SRRM3: variants seen among roughly 807,000 people sequenced by gnomAD.
The protein encoded by SRRM3 is serine/arginine repetitive matrix 3, also known as serine/arginine repetitive matrix protein 3.
In SRRM3, 27 loss-of-function variants were observed where a neutral mutation model predicts 66.2. That is an observed-to-expected ratio of 0.41 (90% CI 0.30 to 0.56). The LOEUF (loss-of-function observed/expected upper bound fraction) is 0.56. SRRM3 is among the 20% of genes least tolerant of loss of function. SRRM3 has a pLI of 0.32. For missense variants in SRRM3, 918 were observed against 991.9 expected, an observed-to-expected ratio of 0.93 and a Z score of 1.00; for synonymous variants, 391 against 414.9, an observed-to-expected ratio of 0.94 and a Z score of 0.70.
chr7:76,267,166 C>G (rs1440076528), intron 10 of SRRM3, 92 bp from the exon 11 acceptor site: 3 of 1,219,690 alleles, frequency 2.5e-6, no homozygotes, highest in Middle Eastern at 2.3e-4. Flanking sequence ...TCTCTTTCCC[C>G]GTGCTGGGGA....
chr7:76,277,716 C>CAAAAAAAAAAAAAAAAAAAAA (rs386353056), intron 11 of SRRM3, among the ~76,000 whole-genome samples: 4 of 102,772 alleles, frequency 3.9e-5, no homozygotes, highest in East Asian at 2.7e-4. Context: ...TAAACAACAA[C>CAAAAAAAAAAAAAAAAAAAAA]AAAAAAAAAA....
intron 2 of SRRM3, among the ~76,000 whole-genome samples, chr7:76,243,799 TTGGAGGGCCTGTGC>T (rs1554605870): frequency 6.6e-6 from 1 of 152,206 alleles, no homozygotes; most frequent in East Asian, 1.9e-4. Context: ...CTAAGCAGTG[TTGGAGGGCCTGTGC>T]TGTGTTTGTC....
intron 11 of SRRM3, among the ~76,000 whole-genome samples, chr7:76,280,943 C>T (rs1296674153): frequency 7.0e-6 from 1 of 143,268 alleles, no homozygotes; most frequent in Non-Finnish European, 1.5e-5. Context: ...TCTTCCCCCA[C>T]CCCCGTCTCT....
intron 11 of SRRM3, among the ~76,000 whole-genome samples, chr7:76,278,390 A>G (rs1563641151): frequency 6.6e-6 from 1 of 152,032 alleles, no homozygotes; most frequent in Non-Finnish European, 1.5e-5. Context: ...GGGAGGCTGA[A>G]GCAGGAGAAT....
chr7:76,235,028 G>A lies in SRRM3; in HGVS notation c.-39G>A. The A allele has an allele frequency of 6.6e-7, 1 of 1,509,026 alleles. No individual in the cohort carries two copies. Among genetic ancestry groups the A allele is most frequent in the South Asian group, 1.3e-5 (1 of 79,740 alleles). The allele number at this position is 1,509,026 out of a possible 1,614,324, so 93.5% of individuals were successfully genotyped here. ...CCTCGTGTCTGTGTCTGTCCCTCAG[G>A]GCCAGCGGCCCAGGCCAGCGGCTCC... On this transcript the variant is annotated splice_region_variant and 5_prime_UTR_variant, in exon 2 of 15. Coordinates refer to ENST00000611745, the MANE Select transcript of SRRM3 (RefSeq NM_001110199.3).
At chr7:76,258,988 G>A (rs965435456) in intron 3 of SRRM3, among the ~76,000 whole-genome samples, 1 of 151,880 alleles carries the variant, frequency 6.6e-6, no homozygotes, top group African/African-American at 2.4e-5. Flanking sequence ...AGGTTGCAGT[G>A]AGGTGAGATT....
chr7:76,205,256 C>T (rs1800266876), intron 1 of SRRM3, among the ~76,000 whole-genome samples: 1 of 152,148 alleles, frequency 6.6e-6, no homozygotes, highest in Non-Finnish European at 1.5e-5. Flanking sequence ...GTCACCCAGG[C>T]TGGAGTGCAG....
intron 1 of SRRM3, among the ~76,000 whole-genome samples, chr7:76,216,598 T>A (rs1554602611): frequency 6.6e-6 from 1 of 152,156 alleles, no homozygotes; most frequent in African/African-American, 2.4e-5. Context: ...TGGAGGTGCA[T>A]ACAAATGTGA....
At chr7:76,215,429 T>C (rs1467684414) in intron 1 of SRRM3, among the ~76,000 whole-genome samples, 1 of 120,762 alleles carries the variant, frequency 8.3e-6, no homozygotes, top group Non-Finnish European at 1.6e-5. Flanking sequence ...TTAGACAGGG[T>C]CTGGCTCTGT....
rs541615844 is a variant in SRRM3, at chr7:76,235,093, G to A, written c.27G>A (p.Ala9=). ...TGTCCTCCACCGTGAACAACGGGGCGGCCAGCATGCAGTCCACACCCGACG... is the reference window on the plus strand; with the variant it reads ...TGTCCTCCACCGTGAACAACGGGGCAGCCAGCATGCAGTCCACACCCGACG... MSSTVNNG[A]ASMQSTPDAA... is the part of the protein sequence containing the mutation. Residue 9 remains alanine (A), a synonymous_variant, in exon 2 of 15, where the codon GCG becomes GCA. Coordinates refer to ENST00000611745, the MANE Select transcript of SRRM3 (RefSeq NM_001110199.3). 30 of 1,585,034 alleles carry A rather than the reference G, an allele frequency of 1.9e-5. No homozygotes were observed. In the African/African-American group the frequency reaches 3.2e-4, roughly 17 times the overall value.
At chr7:76,206,110 T>C (rs1554601117) in intron 1 of SRRM3, among the ~76,000 whole-genome samples, 1 of 152,108 alleles carries the variant, frequency 6.6e-6, no homozygotes, top group African/African-American at 2.4e-5. Context: ...TGGAATCTAG[T>C]GATCCTCCCG....
At chr7:76,234,640 C>CTAAAGG (rs1408177242) in intron 1 of SRRM3, among the ~76,000 whole-genome samples, 1 of 152,088 alleles carries the variant, frequency 6.6e-6, no homozygotes, top group East Asian at 1.9e-4. Flanking sequence ...TCAACTGAGC[C>CTAAAGG]TAAAGGAGAA....
chr7:76,278,462 G>A (rs966194328), intron 11 of SRRM3, among the ~76,000 whole-genome samples: 8 of 152,106 alleles, frequency 5.3e-5, no homozygotes, highest in African/African-American at 1.9e-4. Context: ...ACTCCAGCCT[G>A]GGCAGCAGAG....
intron 1 of SRRM3, among the ~76,000 whole-genome samples, chr7:76,208,897 G>C (rs1453815778): frequency 1.3e-5 from 2 of 150,888 alleles, no homozygotes; most frequent in Non-Finnish European, 3.0e-5. Flanking sequence ...GAGGAAGGGA[G>C]GGAGGGAGGG....
chr7:76,279,760 C>T (rs1802447495), intron 11 of SRRM3, among the ~76,000 whole-genome samples: 1 of 152,110 alleles, frequency 6.6e-6, no homozygotes, highest in South Asian at 2.1e-4. Flanking sequence ...AACCAGGGCC[C>T]TTTTGATGGT....
At chr7:76,224,872 G>A (rs1290503105) in intron 1 of SRRM3, among the ~76,000 whole-genome samples, 3 of 152,102 alleles carry the variant, frequency 2.0e-5, no homozygotes, top group Admixed American at 1.3e-4. Flanking sequence ...AGGACTTCCC[G>A]AGTAAAAAGC....
At chr7:76,219,574 G>T (rs532516931) in intron 1 of SRRM3, among the ~76,000 whole-genome samples, 1 of 152,298 alleles carries the variant, frequency 6.6e-6, no homozygotes, top group South Asian at 2.1e-4. Context: ...AGCCAACAAA[G>T]ACAGGAGCCT....
In SRRM3 at chr7:76,209,201, C is replaced by T. The variant is rs532879503; in HGVS notation, c.-40+7134C>T. On this transcript the variant is annotated intron_variant, in intron 1 of 14. Transcript: ENST00000611745. ...TACAATCGACATTTAATGAGGGCCT[C>T]CTGTTTTCTGGGCACAGCACGAGGC... Among the ~76,000 whole-genome samples the T allele has an allele frequency of 4.6e-5, 7 of 152,312 alleles. No individual in the cohort carries two copies. In the East Asian group the frequency reaches 5.8e-4, roughly 13 times the overall value.
chr7:76,259,794 A>G, intron 3 of SRRM3, 112 bp from the exon 4 acceptor site: 4 of 1,536,824 alleles, frequency 2.6e-6, no homozygotes, highest in Non-Finnish European at 3.5e-6. Flanking sequence ...CCCCTCCCCC[A>G]GCCGGGTAGC....
Sources: allele counts gnomAD v4.1 joint callset (sites outside exome capture counted in the v4.1 genomes callset), GRCh38; gene constraint gnomAD v4.1.1; transcripts MANE v1.5; gene names NCBI Gene and HGNC (gene_info 2026-07-23, HGNC 2026-07-21).